Variants in CYLD observed in about 807,000 individuals in gnomAD.
The protein encoded by CYLD is ubiquitin carboxyl-terminal hydrolase CYLD.
A neutral mutation model predicts 104.5 loss-of-function variants in CYLD; 26 were observed. The observed-to-expected ratio is 0.25, with a 90% CI of 0.18 to 0.35. The LOEUF (loss-of-function observed/expected upper bound fraction) is 0.35, where lower values mean the gene tolerates loss of function less well. Ranked by LOEUF, CYLD falls within the 10% of genes least tolerant of loss-of-function variation. CYLD has a pLI of 1.00. For synonymous variants in CYLD, 385 were observed against 399.9 expected (o/e 0.96, Z 0.45); for missense variants, 703 against 1,136.1 (o/e 0.62, Z 5.48).
At chr16:50,795,165 T>C (rs913581212) in intron 18 of CYLD, among the ~76,000 whole-genome samples, 19 of 152,224 alleles carry the variant, frequency 1.2e-4, no homozygotes, top group African/African-American at 4.3e-4. Context: ...GCTTGAGGTA[T>C]TGTAGTTTGT....
chr16:50,785,594 A>G (rs1163210458), intron 12 of CYLD: 2 of 152,216 alleles, frequency 1.3e-5, no homozygotes, highest in South Asian at 2.1e-4. Flanking sequence ...ACTCTAAGGC[A>G]TGTTAACACC....
rs1971765822 is a variant in CYLD at position 50,794,394 on chromosome 16, C to T, written c.2652C>T (p.Ala884=). ...TGAAGTATGGGAAGGACGATTCTGCCTGGCTCTTCTTTGACAGCATGGCCG... is the reference window on the plus strand; with the variant it reads ...TGAAGTATGGGAAGGACGATTCTGCTTGGCTCTTCTTTGACAGCATGGCCG... ...AFVKYGKDDS[A]WLFFDSMADR... Residue 884 remains alanine, a synonymous_variant, in exon 18 of 19, where the codon GCC becomes GCT. Transcript: ENST00000427738. The surrounding 1 kb of genome is among the most constrained non-coding windows in gnomAD (Gnocchi z 4.1). 1 of 1,614,190 alleles carries T rather than the reference C, an allele frequency of 6.2e-7. No homozygotes were observed. Among genetic ancestry groups the T allele is most frequent in the Non-Finnish European group, 8.5e-7 (1 of 1,180,044 alleles).
At chr16:50,793,115 TACACACACACACAC>T (rs3064638) in intron 16 of CYLD, among the ~76,000 whole-genome samples, 1 of 145,036 alleles carries the variant, frequency 6.9e-6, no homozygotes, top group African/African-American at 2.5e-5. Context: ...AGGAGCCATA[TACACACACACACAC>T]ACACACACAC....
chr16:50,750,247 T>C (rs780442985), intron 3 of CYLD, 45 bp downstream of exon 3: 69 of 1,603,738 alleles, frequency 4.3e-5, no homozygotes, highest in Non-Finnish European at 5.0e-5. Flanking sequence ...TTTGTGTTCA[T>C]GTGTGTCTGT....
At chr16:50,771,001 G>A (rs1010207949) in intron 5 of CYLD, among the ~76,000 whole-genome samples, 1 of 152,070 alleles carries the variant, frequency 6.6e-6, no homozygotes, top group African/African-American at 2.4e-5. Flanking sequence ...TCTTGTGTGG[G>A]TCAAGCTTTT....
At position 50,797,308 on chromosome 16, in the gene CYLD, A is replaced by G. The variant is rs1972135986; in HGVS notation, c.*800A>G. The G allele has an allele frequency of 4.3e-6, 1 of 232,308 alleles. No individual in the cohort carries two copies. The highest frequency in any genetic ancestry group is 5.6e-5 in the Admixed American group (1 of 17,758). 14.4% of individuals were successfully genotyped at this position (232,308 alleles called of 1,614,324 possible). On this transcript the variant is annotated 3_prime_UTR_variant, in exon 19 of 19. Transcript: ENST00000427738. ...TGGGGCAAAGTAAATTGATGAAAGA[A>G]TTGGAGTGATAATAGTCCTTTACAA...
In CYLD at chr16:50,798,330, G is replaced by A. The variant is rs572164664; in HGVS notation, c.*1822G>A. The stretch of plus-strand genomic sequence containing the variant: ...TACGATTTTTTTTAAAAAAAGGATG[G>A]TTACATCCGTATTGAACATGTACAG... On this transcript the variant is annotated 3_prime_UTR_variant, in exon 19 of 19. Coordinates refer to ENST00000427738, the MANE Select transcript of CYLD (RefSeq NM_001378743.1). 15 of 231,804 alleles carry A rather than the reference G, an allele frequency of 6.5e-5. No homozygotes were observed. The South Asian group carries it at 2.4e-3, about 36-fold the overall frequency. The allele number at this position is 231,804 out of a possible 1,614,324, so 14.4% of individuals were successfully genotyped here.
At chr16:50,772,504 A>T (rs1969259612) in intron 5 of CYLD, among the ~76,000 whole-genome samples, 1 of 152,198 alleles carries the variant, frequency 6.6e-6, no homozygotes, top group South Asian at 2.1e-4. Context: ...ATTATTTCAT[A>T]TTAGTACATA....
At chr16:50,773,131 T>C (rs1969325171) in intron 5 of CYLD, among the ~76,000 whole-genome samples, 1 of 152,228 alleles carries the variant, frequency 6.6e-6, no homozygotes, top group Non-Finnish European at 1.5e-5. Context: ...TGAATTATGC[T>C]CTTGTGGCTG....
Position 50,779,653 on chromosome 16 carries a change from A to G in CYLD, c.1139-12A>G. The G allele has an allele frequency of 6.2e-7, 1 of 1,613,114 alleles. No individual in the cohort carries two copies. Among genetic ancestry groups the G allele is most frequent in the South Asian group, 1.1e-5 (1 of 90,906 alleles). Reference sequence around the variant, plus strand: ...CTTGAATACATTTCTGTAATTAGGAATAATTTTTTAGTTGCAGAAGACCCT... The same window carrying G: ...CTTGAATACATTTCTGTAATTAGGAGTAATTTTTTAGTTGCAGAAGACCCT... On this transcript the variant is annotated splice_polypyrimidine_tract_variant and intron_variant, in intron 8 of 18. Coordinates refer to ENST00000427738, the MANE Select transcript of CYLD (RefSeq NM_001378743.1).
At chr16:50,783,152 G>A (rs1567450094) in intron 11 of CYLD, among the ~76,000 whole-genome samples, 1 of 151,874 alleles carries the variant, frequency 6.6e-6, no homozygotes, top group Admixed American at 6.6e-5. Flanking sequence ...GGCTGGTCTC[G>A]AACGTCTCAC....
At chr16:50,795,415 G>A in intron 18 of CYLD, 1 of 614,776 alleles carries the variant, frequency 1.6e-6, no homozygotes, top group East Asian at 2.8e-5. Context: ...ATAGTGGGTT[G>A]TAGGTAAGAA....
At chr16:50,743,763 C>A (rs1225103657) in intron 2 of CYLD, among the ~76,000 whole-genome samples, 1 of 152,070 alleles carries the variant, frequency 6.6e-6, no homozygotes, top group Non-Finnish European at 1.5e-5. Flanking sequence ...AAGCTAGTAT[C>A]AAATAAACCT....
At chr16:50,768,419 G>C (rs1290639860) in intron 5 of CYLD, among the ~76,000 whole-genome samples, 1 of 151,908 alleles carries the variant, frequency 6.6e-6, no homozygotes, top group Admixed American at 6.6e-5. Flanking sequence ...CTTCATCCGT[G>C]AAACAAAATT....
Position 50,751,809 on chromosome 16 carries a change from C to T in CYLD, c.710C>T (p.Ser237Phe). ...LPPLEINSRV[S>F]LKVGETIESG... ...CCTTTGGAAATAAACTCCAGAGTTT[C>T]TTTGAAGGTTGGAGAAACAATAGAA... Residue 237 changes from serine (S) to phenylalanine (F), a missense_variant, in exon 4 of 19, where the codon TCT becomes TTT. Physicochemically the swap from Ser to Phe is radical, Grantham distance 155. This residue lies in a region of CYLD where 123 missense variants were observed against 213.3 expected (regional missense o/e 0.58). Transcript: ENST00000427738. 1 of 1,613,406 alleles carries T rather than the reference C, an allele frequency of 6.2e-7. No individual in the cohort carries two copies. The highest frequency in any genetic ancestry group is 8.5e-7 in the Non-Finnish European group (1 of 1,179,640).
At position 50,794,570 on chromosome 16, in the gene CYLD, T is replaced by C; in HGVS notation, c.2686+142T>C. On this transcript the variant is annotated intron_variant, in intron 18 of 18. Coordinates refer to ENST00000427738, the MANE Select transcript of CYLD (RefSeq NM_001378743.1). The surrounding 1 kb of genome is among the most constrained non-coding windows in gnomAD (Gnocchi z 4.1). ...TTCTGGTGACAACAGTCTTATATCT[T>C]GGATTGCATTAACAACCTTGCTAGC... 1.2e-6 allele frequency: 1 copy of C among 821,934 alleles called. No individual in the cohort carries two copies. The highest frequency in any genetic ancestry group is 2.1e-6 in the Non-Finnish European group (1 of 481,870). The allele number at this position is 821,934 out of a possible 1,614,324, so 50.9% of individuals were successfully genotyped here.
intron 16 of CYLD, among the ~76,000 whole-genome samples, 189 bp from the exon 17 acceptor site, chr16:50,793,357 T>C (rs767003292): frequency 4.6e-5 from 7 of 152,160 alleles, no homozygotes; most frequent in Non-Finnish European, 8.8e-5. Context: ...AACTATTTGG[T>C]CCAAAAAAAT....
At chr16:50,779,498 A>G (rs1970005173) in intron 8 of CYLD, among the ~76,000 whole-genome samples, 167 bp from the exon 9 acceptor site, 1 of 152,086 alleles carries the variant, frequency 6.6e-6, no homozygotes. Context: ...TGGAGAGAGG[A>G]GCGAGAACAC....
At position 50,797,178 on chromosome 16, in the gene CYLD, T is replaced by C. The variant is rs1018140113; in HGVS notation, c.*670T>C. The C allele has an allele frequency of 1.7e-5, 4 of 233,092 alleles. No homozygotes were observed. The highest frequency in any genetic ancestry group is 8.8e-5 in the African/African-American group (4 of 45,336). 14.4% of individuals were successfully genotyped at this position (233,092 alleles called of 1,614,324 possible). On this transcript the variant is annotated 3_prime_UTR_variant, in exon 19 of 19. Coordinates refer to ENST00000427738, the MANE Select transcript of CYLD (RefSeq NM_001378743.1). Reference sequence around the variant, plus strand: ...CCCAAATGTCCATTTTTGAAGTGATTTTCCTGGAGGATTAGGGTATTTAGC... The same window carrying C: ...CCCAAATGTCCATTTTTGAAGTGATCTTCCTGGAGGATTAGGGTATTTAGC...
Sources: gnomAD v4.1 joint callset for allele counts (sites outside exome capture counted in the v4.1 genomes callset) on GRCh38, gnomAD v4.1.1 for gene constraint, gnomAD v4.1.1 regional missense constraint, Gnocchi (gnomAD v3.1) non-coding constraint, MANE v1.5 for transcripts, NCBI Gene and HGNC (gene_info 2026-07-23, HGNC 2026-07-21) for gene names.